The following DEUP1 variants were observed in gnomAD, a reference collection of about 807,000 sequenced individuals.
The protein encoded by DEUP1 is coiled-coil domain containing 67.
Under a neutral mutation model 87.4 loss-of-function variants are expected in DEUP1, and 82 were observed. That is an observed-to-expected ratio of 0.94 (90% CI 0.78 to 1.13). DEUP1 has a LOEUF of 1.13. DEUP1 is among the 50% of genes most tolerant of loss of function. The pLI is 0.00. For synonymous variants in DEUP1, 214 were observed against 222.7 expected (o/e 0.96, Z 0.35); for missense variants, 663 against 681.5 (o/e 0.97, Z 0.30).
chr11:93,366,131 C>T (rs1945403297), intron 5 of DEUP1, among the ~76,000 whole-genome samples: 1 of 152,096 alleles, frequency 6.6e-6, no homozygotes, highest in Non-Finnish European at 1.5e-5. Context: ...GATGAAAACA[C>T]ACGAGGTCTA....
At chr11:93,427,565 G>A (rs993345997) in intron 13 of DEUP1, among the ~76,000 whole-genome samples, 3 of 151,370 alleles carry the variant, frequency 2.0e-5, no homozygotes, top group Non-Finnish European at 2.9e-5. Flanking sequence ...ATAGGCATGG[G>A]CAAGGACTTC....
chr11:93,429,175 G>C (rs1258663784), intron 13 of DEUP1, among the ~76,000 whole-genome samples: 1 of 152,156 alleles, frequency 6.6e-6, no homozygotes, highest in Admixed American at 6.6e-5. Flanking sequence ...TAGAAGTAAA[G>C]TTAAGCTATT....
intron 12 of DEUP1, among the ~76,000 whole-genome samples, chr11:93,411,577 G>C (rs1947438055): frequency 2.0e-5 from 3 of 152,166 alleles, no homozygotes. Context: ...TAAAAAATAT[G>C]AGTGAGAGGT....
chr11:93,389,023 T>A lies in DEUP1; in HGVS notation c.939T>A (p.Leu313=). 2.0e-6 allele frequency: 3 copies of A among 1,495,510 alleles called. No homozygotes were observed. The South Asian group carries it at 3.6e-5, about 18-fold the overall frequency. The allele number at this position is 1,495,510 out of a possible 1,614,324, so 92.6% of individuals were successfully genotyped here. A position where few individuals can be genotyped will look rare whatever the true frequency, so the allele number is the denominator to read the frequency against. The change falls in exon 9 of 14, where the codon CTT becomes CTA. Residue 313 remains leucine, a synonymous_variant. Transcript: ENST00000298050. ...TTATTTTATGTTTAATTTGTAGACT[T>A]GAATCATCTTATTTGCCTTCTATTA... is the stretch of plus-strand genomic sequence containing the variant. The part of the protein sequence containing the change: ...CQNAQGNKTR[L]ESSYLPSIKE...
chr11:93,350,209 C>G (rs1163762435), intron 2 of DEUP1, among the ~76,000 whole-genome samples: 2 of 152,104 alleles, frequency 1.3e-5, no homozygotes, highest in Non-Finnish European at 2.9e-5. Flanking sequence ...GTCATATGGT[C>G]TGATTATTGT....
chr11:93,416,278 C>T (rs1008695406), intron 13 of DEUP1, among the ~76,000 whole-genome samples: 4 of 152,032 alleles, frequency 2.6e-5, no homozygotes, highest in African/African-American at 9.7e-5. Context: ...AATTGATAGA[C>T]TGCTAACAAG....
chr11:93,408,807 T>C (rs1947353729), intron 12 of DEUP1, among the ~76,000 whole-genome samples: 1 of 152,176 alleles, frequency 6.6e-6, no homozygotes, highest in Admixed American at 6.5e-5. Context: ...TTCACCTACC[T>C]TCAATAATAG....
chr11:93,413,622 C>A (rs1947514867), intron 12 of DEUP1, among the ~76,000 whole-genome samples: 1 of 152,134 alleles, frequency 6.6e-6, no homozygotes, highest in Non-Finnish European at 1.5e-5. Context: ...ACTTTTAGGA[C>A]CTTTTTTGTA....
At chr11:93,344,499 C>A (rs1475340747) in intron 2 of DEUP1, among the ~76,000 whole-genome samples, 1 of 151,862 alleles carries the variant, frequency 6.6e-6, no homozygotes, top group Admixed American at 6.6e-5. Flanking sequence ...CTTCTTTCTT[C>A]CTAATTCCTC....
At chr11:93,353,337 C>A (rs1944722291) in intron 2 of DEUP1, among the ~76,000 whole-genome samples, 1 of 152,188 alleles carries the variant, frequency 6.6e-6, no homozygotes, top group Non-Finnish European at 1.5e-5. Flanking sequence ...GGGAGCTCTG[C>A]CCCTGTGGCT....
At chr11:93,337,526 C>A (rs1943832581) in intron 2 of DEUP1, among the ~76,000 whole-genome samples, 1 of 152,260 alleles carries the variant, frequency 6.6e-6, no homozygotes, top group Non-Finnish European at 1.5e-5. Context: ...ACTTTATTCA[C>A]CTCCCCCCAT....
chr11:93,415,026 G>T lies in DEUP1; in HGVS notation c.1550G>T (p.Arg517Ile). The T allele has an allele frequency of 1.3e-6, 2 of 1,593,944 alleles. No homozygotes were observed. Among genetic ancestry groups the T allele is most frequent in the Non-Finnish European group, 8.5e-7 (1 of 1,172,938 alleles). The change falls in exon 13 of 14, where the codon AGA becomes ATA. Residue 517 changes from arginine (R) to isoleucine (I), a missense_variant. Arg to Ile is a moderately conservative substitution (Grantham distance 97, BLOSUM62 -3). Coordinates refer to ENST00000298050, the MANE Select transcript of DEUP1 (RefSeq NM_181645.4). ...ERLSHDCEPN[R>I]STMPPLPPST... ...CTTAGTCATGACTGTGAGCCAAACA[G>T]AAGTACAATGCCTCCCTTGCCACCT...
rs368013868 is a variant in DEUP1, at chr11:93,437,644, T to C, written c.1740T>C (p.His580=). ...AKELEKLLNT[H]IDELQRHTEF... ...AACTTGAAAAACTTCTAAATACACATATTGATGAACTGCAAAGACACACAG... is the reference window on the plus strand; with the variant it reads ...AACTTGAAAAACTTCTAAATACACACATTGATGAACTGCAAAGACACACAG... Residue 580 remains histidine, a synonymous_variant, in exon 14 of 14, where the codon CAT becomes CAC. Coordinates refer to ENST00000298050, the MANE Select transcript of DEUP1 (RefSeq NM_181645.4). The C allele has an allele frequency of 1.1e-5, 18 of 1,609,690 alleles. No individual in the cohort carries two copies. The highest frequency in any genetic ancestry group is 1.5e-5 in the Non-Finnish European group (18 of 1,176,296).
chr11:93,370,966 T>G, intron 6 of DEUP1, 72 bp from the exon 7 acceptor site: 1 of 1,326,826 alleles, frequency 7.5e-7, no homozygotes, highest in Non-Finnish European at 1.0e-6. Context: ...TTCTTTTCTA[T>G]CATTCTTGAA....
At chr11:93,350,149 G>A (rs1005212992) in intron 2 of DEUP1, among the ~76,000 whole-genome samples, 1 of 152,296 alleles carries the variant, frequency 6.6e-6, no homozygotes, top group East Asian at 1.9e-4. Context: ...TTGTGGCTTG[G>A]CTTTCTGGAC....
At chr11:93,352,251 T>G (rs964349354) in intron 2 of DEUP1, 97 of 658,848 alleles carry the variant, frequency 1.5e-4, no homozygotes, top group Non-Finnish European at 2.3e-4. Flanking sequence ...ATCATTGAAA[T>G]GGATGCTGAA....
intron 7 of DEUP1, among the ~76,000 whole-genome samples, chr11:93,385,011 T>C (rs951328568): frequency 3.3e-5 from 5 of 152,020 alleles, no homozygotes; most frequent in African/African-American, 7.2e-5. Flanking sequence ...ATCACAAGGT[T>C]AGGAGTTTGA....
chr11:93,364,180 CTT>C lies in DEUP1; in HGVS notation c.320_321del (p.Phe107Ter). 6.3e-7 allele frequency: 1 copy of C among 1,591,618 alleles called. No individual in the cohort carries two copies. On this transcript the variant is annotated frameshift_variant, in exon 5 of 14. Transcript: ENST00000298050. LOFTEE classifies it high-confidence loss of function. ...KAQFSKLTNN[F>X]EKLRLHQMKQ... ...TACAGTTTTCCAAACTAACAAATAACTTTGAAAAACTGAGATTACATCAGATG... is the reference window on the plus strand; with the variant it reads ...TACAGTTTTCCAAACTAACAAATAACTGAAAAACTGAGATTACATCAGATG...
intron 7 of DEUP1, among the ~76,000 whole-genome samples, chr11:93,375,261 T>C (rs1157840127): frequency 2.0e-5 from 3 of 152,210 alleles, no homozygotes; most frequent in Admixed American, 6.5e-5. Flanking sequence ...ACTTCTTTTT[T>C]ACTGATTTGG....
Sources: gnomAD v4.1 joint callset for allele counts (sites outside exome capture counted in the v4.1 genomes callset) on GRCh38, gnomAD v4.1.1 for gene constraint, MANE v1.5 for transcripts, NCBI Gene and HGNC (gene_info 2026-07-23, HGNC 2026-07-21) for gene names.